DMD: variants seen among roughly 807,000 people sequenced by gnomAD.
The protein encoded by DMD is dystrophin.
In DMD, 63 loss-of-function variants were observed where a neutral mutation model predicts 330.1. That is an observed-to-expected ratio of 0.19 (90% confidence interval 0.16 to 0.24). DMD has a LOEUF of 0.24. DMD is among the 10% of genes least tolerant of loss of function. The pLI is 1.00. For missense variants in DMD, 3,344 were observed against 2,684.1 expected, an observed-to-expected ratio of 1.25 and a Z score of -5.43; for synonymous variants, 1,223 against 959.8, an observed-to-expected ratio of 1.27 and a Z score of -5.07.
intron 43 of DMD, among the ~76,000 whole-genome samples, chrX:32,227,405 T>C (rs1001963180): frequency 8.7e-5 from 9 of 103,563 alleles, no homozygotes; most frequent in East Asian, 3.2e-4. Context: ...ATCATGTCTT[T>C]TGCAGCAACA....
chrX:33,079,380 A>G (rs927724787), intron 1 of DMD, among the ~76,000 whole-genome samples: 1 of 111,992 alleles, frequency 8.9e-6, no homozygotes, highest in Non-Finnish European at 1.9e-5. Flanking sequence ...AACATTGTAG[A>G]GTAGCCAGAG....
chrX:31,845,210 G>C (rs1315117923), intron 48 of DMD, among the ~76,000 whole-genome samples: 1 of 111,023 alleles, frequency 9.0e-6, no homozygotes, highest in Non-Finnish European at 1.9e-5. Context: ...GTGAAGAAAT[G>C]AGTCATGTCA....
At position 32,858,318 on chromosome X, in the gene DMD, C is replaced by T. The variant is rs151193422; in HGVS notation, c.94-8498G>A. Among the ~76,000 whole-genome samples, 253 of 111,911 alleles carry T rather than the reference C, an allele frequency of 2.3e-3. 1 individual carries two copies. The highest frequency in any genetic ancestry group is 7.9e-3 in the African/African-American group (243 of 30,835). Reference sequence around the variant, plus strand: ...TTCTTTTAATATATGCTTGTTTCAACGTAAAACTATTTATTTATCATTTAT... The same window carrying T: ...TTCTTTTAATATATGCTTGTTTCAATGTAAAACTATTTATTTATCATTTAT... On this transcript the variant is annotated intron_variant, in intron 2 of 78. Coordinates refer to ENST00000357033, the MANE Select transcript of DMD (RefSeq NM_004006.3).
chrX:32,137,019 A>T (rs111666157), intron 44 of DMD, among the ~76,000 whole-genome samples: 5,534 of 111,792 alleles, frequency 0.05, 118 homozygotes, highest in Non-Finnish European at 0.071. Flanking sequence ...TAATAAATTT[A>T]AAAAAAAGAA....
intron 62 of DMD, among the ~76,000 whole-genome samples, chrX:31,263,923 T>G (rs2050766334): frequency 8.9e-6 from 1 of 112,313 alleles, no homozygotes; most frequent in African/African-American, 3.2e-5. Flanking sequence ...TTCAGATTCT[T>G]TGGTAACTAT....
intron 12 of DMD, among the ~76,000 whole-genome samples, chrX:32,596,379 T>C (rs1273935775): frequency 1.8e-5 from 2 of 110,518 alleles, no homozygotes; most frequent in African/African-American, 3.3e-5. Context: ...CACTAACCCA[T>C]TGAAATATCT....
chrX:32,887,467 G>A (rs1258973389), intron 2 of DMD, among the ~76,000 whole-genome samples: 1 of 108,865 alleles, frequency 9.2e-6, no homozygotes, highest in Non-Finnish European at 1.9e-5. Flanking sequence ...AAGAAAACAT[G>A]GACTATGAGA....
At chrX:31,341,610 T>G (rs781360703) in intron 61 of DMD, among the ~76,000 whole-genome samples, 1 of 111,271 alleles carries the variant, frequency 9.0e-6, no homozygotes, top group Admixed American at 9.6e-5. Flanking sequence ...TCGTTGGCAA[T>G]AGCAGATAGA....
chrX:32,467,598 A>G (rs2040164193), intron 23 of DMD, among the ~76,000 whole-genome samples: 1 of 108,369 alleles, frequency 9.2e-6, no homozygotes, highest in Non-Finnish European at 1.9e-5. Flanking sequence ...TTAGATATGT[A>G]TATATGTACA....
intron 63 of DMD, among the ~76,000 whole-genome samples, chrX:31,254,728 G>A (rs1337894702): frequency 9.0e-6 from 1 of 111,139 alleles, no homozygotes; most frequent in Non-Finnish European, 1.9e-5. Flanking sequence ...ACTTAAATTT[G>A]TAGTAAGATT....
At chrX:31,339,040 C>G (rs2057575490) in intron 61 of DMD, among the ~76,000 whole-genome samples, 1 of 109,517 alleles carries the variant, frequency 9.1e-6, no homozygotes, top group Admixed American at 9.8e-5. Context: ...TTCAAGCTAC[C>G]AAAGGTAGGC....
At chrX:32,835,729 A>G (rs924169161) in intron 4 of DMD, among the ~76,000 whole-genome samples, 4 of 111,782 alleles carry the variant, frequency 3.6e-5, no homozygotes, top group African/African-American at 9.8e-5. Flanking sequence ...GCTAGTTTAG[A>G]ACTACAGAAT....
At chrX:32,944,779 A>G (rs886611788) in intron 2 of DMD, among the ~76,000 whole-genome samples, 5 of 109,239 alleles carry the variant, frequency 4.6e-5, no homozygotes, top group Non-Finnish European at 9.5e-5. Flanking sequence ...TAATTTTTGT[A>G]TTTTTAAGTA....
At chrX:32,241,591 G>A (rs2097208835) in intron 43 of DMD, among the ~76,000 whole-genome samples, 1 of 111,989 alleles carries the variant, frequency 8.9e-6, no homozygotes, top group Non-Finnish European at 1.9e-5. Context: ...CAAATTCCTG[G>A]CTTCCACTGT....
At chrX:32,083,702 C>A (rs913780285) in intron 44 of DMD, among the ~76,000 whole-genome samples, 10 of 112,733 alleles carry the variant, frequency 8.9e-5, no homozygotes, top group African/African-American at 2.6e-4. Flanking sequence ...CTACTGGATT[C>A]TTTGAACCAA....
rs145948513 is a variant in DMD, at chrX:32,890,246, C to T, written c.94-40426G>A. On this transcript the variant is annotated intron_variant, in intron 2 of 78. Transcript: ENST00000357033. Reference sequence around the variant, plus strand: ...AGTGAGTTTCTGAACTAGCAGTGCCCGGTTACGAAGCTGTTGAAGAGCCTT... The same window carrying T: ...AGTGAGTTTCTGAACTAGCAGTGCCTGGTTACGAAGCTGTTGAAGAGCCTT... 4.2e-3 allele frequency among the ~76,000 whole-genome samples: 467 copies of T among 111,582 alleles called. 1 individual carries two copies. Among genetic ancestry groups the T allele is most frequent in the African/African-American group, 0.014 (436 of 30,670 alleles).
chrX:32,388,157 G>C (rs1396743958), intron 32 of DMD, among the ~76,000 whole-genome samples: 1 of 111,097 alleles, frequency 9.0e-6, no homozygotes, highest in Non-Finnish European at 1.9e-5. Context: ...GCCTTGAGCA[G>C]TTTCCTTTGT....
chrX:33,232,364 AACAT>A (rs1281076695), intron 1 of DMD, among the ~76,000 whole-genome samples: 1 of 112,388 alleles, frequency 8.9e-6, no homozygotes, highest in Admixed American at 9.5e-5. Flanking sequence ...AGCAAGAAGA[AACAT>A]TGGATGATTA....
intron 37 of DMD, among the ~76,000 whole-genome samples, chrX:32,354,310 A>T (rs755828231): frequency 8.9e-6 from 1 of 111,737 alleles, no homozygotes; most frequent in East Asian, 2.8e-4. Flanking sequence ...TCCATTCTGC[A>T]GCTTTGAAAA....
Sources: gnomAD v4.1 joint callset for allele counts (sites outside exome capture counted in the v4.1 genomes callset) on GRCh38, gnomAD v4.1.1 for gene constraint, MANE v1.5 for transcripts, NCBI Gene and HGNC (gene_info 2026-07-23, HGNC 2026-07-21) for gene names.